The following MYH4 variants were observed in gnomAD, a reference collection of about 807,000 sequenced individuals.
The protein encoded by MYH4 is myosin heavy chain 4, also known as myosin-4.
In MYH4, 200 loss-of-function variants were observed where a neutral mutation model predicts 229.9. That is an observed-to-expected ratio of 0.87 (90% CI 0.78 to 0.98). MYH4 has a LOEUF of 0.98. Among genes scored for constraint, MYH4 ranks in the 50% least tolerant of loss-of-function variants. The pLI, the probability that MYH4 is intolerant of heterozygous loss-of-function variation, is 0.00. For synonymous variants in MYH4, 761 were observed against 834.6 expected (o/e 0.91, Z 1.52); for missense variants, 2,148 against 2,332.6 (o/e 0.92, Z 1.63).
At position 10,460,034 on chromosome 17, in the gene MYH4, C is replaced by T. The variant is rs749619476; in HGVS notation, c.1334G>A (p.Arg445His). The T allele has an allele frequency of 1.9e-5, 30 of 1,613,952 alleles. No homozygotes were observed. Among genetic ancestry groups the T allele is most frequent in the East Asian group, 6.7e-5 (3 of 44,890 alleles). Residue 445 changes from arginine (R) to histidine (H), a missense_variant, in exon 14 of 40, where the codon CGC becomes CAC. Transcript: ENST00000255381. ...CTTGGTGTCCAGCTGCTGGTTGATG[C>T]GGGTGACCATCCACAGGAACATCTT... ...YEKMFLWMVT[R>H]INQQLDTKQP...
chr17:10,449,786 C>G, intron 30 of MYH4, among the ~76,000 whole-genome samples: 1 of 152,134 alleles, frequency 6.6e-6, no homozygotes, highest in Non-Finnish European at 1.5e-5. Context: ...AATTCATGAC[C>G]TTTCCCAGCC....
chr17:10,455,566 T>C, intron 19 of MYH4, 48 bp downstream of exon 19: 1 of 1,603,526 alleles, frequency 6.2e-7, no homozygotes, highest in Non-Finnish European at 8.5e-7. Flanking sequence ...TATATAGTGA[T>C]TTTGTGTAGA....
intron 4 of MYH4, 87 bp from the exon 5 acceptor site, chr17:10,465,685 C>A: frequency 6.5e-7 from 1 of 1,533,358 alleles, no homozygotes; most frequent in Non-Finnish European, 9.0e-7. Flanking sequence ...AGAGCAGGAC[C>A]TAAGTACTGT....
At position 10,455,035 on chromosome 17, in the gene MYH4, G is replaced by A. The variant is rs760640626; in HGVS notation, c.2341C>T (p.Arg781Ter). ...AGLLGTLEEM[R>*]DEKLAQLITR... ...ATGAGTTGAGCTAGCTTTTCATCTC[G>A]CATTTCCTCTAGAGTTCCCAGCAGG... Residue 781 changes from arginine (R) to a stop codon, truncating the protein, a stop_gained, in exon 21 of 40, where the codon CGA becomes TGA. Transcript: ENST00000255381. LOFTEE classifies it high-confidence loss of function. 23 of 1,614,012 alleles carry A rather than the reference G, an allele frequency of 1.4e-5. No individual in the cohort carries two copies. In the East Asian group the frequency reaches 1.8e-4, roughly 13 times the overall value.
Position 10,447,864 on chromosome 17 carries a change from G to A in MYH4, c.4919C>T (p.Ala1640Val), listed in dbSNP as rs560552769. The A allele has an allele frequency of 2.5e-6, 4 of 1,613,918 alleles. No individual in the cohort carries two copies. In the South Asian group the frequency reaches 3.3e-5, roughly 13 times the overall value. The stretch of plus-strand genomic sequence containing the variant: ...TCTAAGATTCCTTAGTGCCTCAGCA[G>A]CCTGGCGGTTGGCATGGTTCAGCTG... ...EIQLNHANRQ[A>V]AEALRNLRNT... is the part of the protein sequence containing the mutation. The change falls in exon 34 of 40, where the codon GCT becomes GTT. Residue 1640 changes from alanine (A) to valine (V), a missense_variant. Physicochemically the swap from Ala to Val is moderately conservative, Grantham distance 64. Transcript: ENST00000255381.
At chr17:10,444,251 G>A (rs1473824773) in intron 39 of MYH4, among the ~76,000 whole-genome samples, 2 of 152,080 alleles carry the variant, frequency 1.3e-5, no homozygotes, top group African/African-American at 4.8e-5. Context: ...GTCCCAAGAT[G>A]GATTTATCAT....
At chr17:10,464,911 G>A (rs997456328) in intron 5 of MYH4, among the ~76,000 whole-genome samples, 1 of 152,184 alleles carries the variant, frequency 6.6e-6, no homozygotes, top group Non-Finnish European at 1.5e-5. Flanking sequence ...CCTTTCTAAT[G>A]TATAGACTAT....
At chr17:10,446,869 A>T in intron 35 of MYH4, 144 bp downstream of exon 35, 1 of 746,292 alleles carries the variant, frequency 1.3e-6, no homozygotes, top group Non-Finnish European at 2.1e-6. Context: ...GCTAGGTCCC[A>T]GTAAATCCTT....
chr17:10,466,011 T>C (rs1331378457), intron 4 of MYH4, among the ~76,000 whole-genome samples: 1 of 151,976 alleles, frequency 6.6e-6, no homozygotes, highest in Non-Finnish European at 1.5e-5. Context: ...CCTGACCTCG[T>C]GATCCGCCCG....
Position 10,462,872 on chromosome 17 carries a change from G to T in MYH4, c.1001C>A (p.Ala334Asp), listed in dbSNP as rs1054539402. ...TTTGTACCTATTACTTACATCTGTG[G>T]CCATCAGCTCTTCCTGGTCATCAAT... ...PSIDDQEELM[A>D]TDSAVDILGF... The change falls in exon 11 of 40, where the codon GCC (alanine) becomes GAC (aspartate). Residue 334 changes from alanine to aspartate, a missense_variant. Physicochemically the swap from Ala to Asp is moderately radical, Grantham distance 126. Coordinates refer to ENST00000255381, the MANE Select transcript of MYH4 (RefSeq NM_017533.2). The T allele has an allele frequency of 1.2e-6, 2 of 1,612,864 alleles. No individual in the cohort carries two copies. The highest frequency in any genetic ancestry group is 1.7e-5 in the Admixed American group (1 of 59,918).
intron 2 of MYH4, among the ~76,000 whole-genome samples, chr17:10,468,970 A>G (rs2072794328): frequency 6.6e-6 from 1 of 152,224 alleles, no homozygotes; most frequent in Non-Finnish European, 1.5e-5. Context: ...TTCCAGATAA[A>G]CACACCTTGA....
rs376013289 is a variant in MYH4 at position 10,457,624 on chromosome 17, T to C, written c.1693A>G (p.Asn565Asp). Residue 565 changes from asparagine (N) to aspartate (D), a missense_variant, in exon 16 of 40, where the codon AAC (asparagine) becomes GAC (aspartate). Coordinates refer to ENST00000255381, the MANE Select transcript of MYH4 (RefSeq NM_017533.2). ...LYEQHLGKSN[N>D]FQKPKPAKGK... ...TTGGCAGGCTTGGGCTTCTGGAAGT[T>C]GTTGGATTTTCCAAGATGTTGTTCA... The C allele has an allele frequency of 1.2e-6, 2 of 1,614,194 alleles. No individual in the cohort carries two copies. The highest frequency in any genetic ancestry group is 1.7e-6 in the Non-Finnish European group (2 of 1,180,028).
Position 10,448,052 on chromosome 17 carries a change from G to T in MYH4, c.4731C>A (p.Asp1577Glu). 1 of 1,613,862 alleles carries T rather than the reference G, an allele frequency of 6.2e-7. No individual in the cohort carries two copies. The highest frequency in any genetic ancestry group is 8.5e-7 in the Non-Finnish European group (1 of 1,179,976). The change falls in exon 34 of 40, where the codon GAC becomes GAA. Residue 1577 changes from aspartate (D) to glutamate (E), a missense_variant. Asp to Glu is a conservative substitution (Grantham distance 45). Coordinates refer to ENST00000255381, the MANE Select transcript of MYH4 (RefSeq NM_017533.2). ...CTTCATCTTTTTCAGCAATTTTTCG[G>T]TCAATCTCAGATTTCACCTGATTTA... ...LELNQVKSEI[D>E]RKIAEKDEEL...
chr17:10,466,390 G>A lies in MYH4; in HGVS notation c.231C>T (p.Val77=). ...CATATTTGGGAGGGTTCATGGAGAA[G>A]ACTTGGTCTTCTTTCACAGTTACAG... is the stretch of plus-strand genomic sequence containing the variant. ...GATVTVKEDQ[V]FSMNPPKYDK... The change falls in exon 4 of 40, where the codon GTC becomes GTT. Residue 77 remains valine (V), a synonymous_variant. Coordinates refer to ENST00000255381, the MANE Select transcript of MYH4 (RefSeq NM_017533.2). 6.2e-7 allele frequency: 1 copy of A among 1,614,142 alleles called. No individual in the cohort carries two copies. Among genetic ancestry groups the A allele is most frequent in the Non-Finnish European group, 8.5e-7 (1 of 1,180,016 alleles).
rs1337409345 is a variant in MYH4 at position 10,457,453 on chromosome 17, A to G, written c.1864T>C (p.Phe622Leu). 2.5e-6 allele frequency: 4 copies of G among 1,611,712 alleles called. No individual in the cohort carries two copies. The highest frequency in any genetic ancestry group is 3.4e-6 in the Non-Finnish European group (4 of 1,178,412). ...YQKSAMKTLA[F>L]LFSGAQTAEA... Reference sequence around the variant, plus strand: ...GCAGTTTGTGCCCCAGAGAAGAGGAAAGCCAGAGTCTTCATTGCAGACTTC... The same window carrying G: ...GCAGTTTGTGCCCCAGAGAAGAGGAGAGCCAGAGTCTTCATTGCAGACTTC... Residue 622 changes from phenylalanine (F) to leucine (L), a missense_variant, in exon 16 of 40, where the codon TTC (phenylalanine) becomes CTC (leucine). Coordinates refer to ENST00000255381, the MANE Select transcript of MYH4 (RefSeq NM_017533.2).
chr17:10,455,761 C>T (rs200437723), intron 18 of MYH4, 30 bp from the exon 19 acceptor site: 5 of 1,614,030 alleles, frequency 3.1e-6, no homozygotes, highest in Admixed American at 1.7e-5. Context: ...TGCCATACTT[C>T]GTGGTCTATC....
intron 22 of MYH4, 42 bp from the exon 23 acceptor site, chr17:10,453,927 T>G: frequency 6.2e-7 from 1 of 1,609,650 alleles, no homozygotes; most frequent in Non-Finnish European, 8.5e-7. Flanking sequence ...CTGAGCTATA[T>G]CTATAAGCAC....
chr17:10,451,916 G>A (rs1422728232), intron 27 of MYH4, 25 bp downstream of exon 27: 7 of 1,561,696 alleles, frequency 4.5e-6, no homozygotes, highest in Non-Finnish European at 6.1e-6. Flanking sequence ...AAATAAAGAT[G>A]AAAAGGGCAC....
In MYH4 at chr17:10,463,088, A is replaced by C; in HGVS notation, c.904+2T>G. On this transcript the variant is annotated splice_donor_variant, in intron 10 of 39. Transcript: ENST00000255381. LOFTEE classifies it high-confidence loss of function. ...TAGAAATAAATCAAAGATGTGTCTTACCAATGAGCTCTGGTTTCTTATTGG... is the reference window on the plus strand; with the variant it reads ...TAGAAATAAATCAAAGATGTGTCTTCCCAATGAGCTCTGGTTTCTTATTGG... 1 of 1,607,740 alleles carries C rather than the reference A, an allele frequency of 6.2e-7. No individual in the cohort carries two copies. Among genetic ancestry groups the C allele is most frequent in the Non-Finnish European group, 8.5e-7 (1 of 1,174,678 alleles).
Sources: gnomAD v4.1 joint callset for allele counts (sites outside exome capture counted in the v4.1 genomes callset) on GRCh38, gnomAD v4.1.1 for gene constraint, MANE v1.5 for transcripts, NCBI Gene and HGNC (gene_info 2026-07-23, HGNC 2026-07-21) for gene names.